Variants in AMZ1 observed in about 807,000 individuals in gnomAD.
The protein encoded by AMZ1 is archaemetzincin-1.
A neutral mutation model predicts 29.9 loss-of-function variants in AMZ1; 39 were observed. That is an observed-to-expected ratio of 1.30 (90% CI 1.01 to 1.70). The LOEUF (loss-of-function observed/expected upper bound fraction) is 1.70. Among genes scored for constraint, AMZ1 ranks in the 40% most tolerant of loss-of-function variants. The pLI, the probability that AMZ1 is intolerant of heterozygous loss-of-function variation, is 0.00. For synonymous variants in AMZ1, 458 were observed against 304.0 expected (o/e 1.51, Z -5.27); for missense variants, 1,041 against 680.6 (o/e 1.53, Z -5.89).
At chr7:2,764,244 CTTTTTT>C (rs35992308), upstream of AMZ1, among the ~76,000 whole-genome samples, 1 of 139,296 alleles carries the variant, frequency 7.2e-6, no homozygotes, top group African/African-American at 2.7e-5. Context: ...CAGCTAATTT[CTTTTTT>C]TTTTTTTTTT....
intron 4 of AMZ1, among the ~76,000 whole-genome samples, chr7:2,759,491 C>T (rs900496700): frequency 3.9e-5 from 6 of 152,138 alleles, no homozygotes; most frequent in Admixed American, 3.3e-4. Flanking sequence ...TAAGTTACTA[C>T]TGTTTAGGAA....
chr7:2,696,358 G>A (rs978895442), intron 1 of AMZ1, among the ~76,000 whole-genome samples: 12 of 148,208 alleles, frequency 8.1e-5, no homozygotes, highest in Admixed American at 6.1e-4. Flanking sequence ...CCAGGTTCAC[G>A]CCATTCTCCT....
At chr7:2,762,658 G>A (rs1376961550), upstream of AMZ1, 3 of 1,599,188 alleles carry the variant, frequency 1.9e-6, no homozygotes, top group Admixed American at 1.7e-5. Context: ...GCAGGACGAT[G>A]AGAGGATAAA....
chr7:2,758,455 C>G (rs749400409), intron 4 of AMZ1, among the ~76,000 whole-genome samples: 1 of 152,190 alleles, frequency 6.6e-6, no homozygotes, highest in Non-Finnish European at 1.5e-5. Flanking sequence ...GGTTCTAAGA[C>G]GAGCCTCAAT....
Position 2,700,753 on chromosome 7 carries a change from T to C in AMZ1, c.302T>C (p.Ile101Thr). ...LARKHIYLQP[I>T]DLSEEPVGSS... ...CGGAAGCACATCTACCTACAGCCGA[T>C]AGGTACGGGACGCCTGCAGCCATCG... Residue 101 changes from isoleucine (I) to threonine (T), a missense_variant and splice_region_variant, in exon 2 of 7, where the codon ATA (isoleucine) becomes ACA (threonine). Coordinates refer to ENST00000683327, the MANE Select transcript of AMZ1 (RefSeq NM_001384743.1). The C allele has an allele frequency of 2.5e-6, 4 of 1,612,350 alleles. No homozygotes were observed. Among genetic ancestry groups the C allele is most frequent in the Non-Finnish European group, 3.4e-6 (4 of 1,179,896 alleles).
rs771879312 is a variant in AMZ1, at chr7:2,696,012, GGAAA to G, written c.-218-4221_-218-4218del. On this transcript the variant is annotated intron_variant, in intron 1 of 6. Coordinates refer to ENST00000683327, the MANE Select transcript of AMZ1 (RefSeq NM_001384743.1). ...TGACAGAGCGAAACTGTCTTGGGGG[GGAAA>G]AAAAAAAAAAAAAGGAAATGGACAT... Among the ~76,000 whole-genome samples, 1,021 of 139,966 alleles carry G rather than the reference GGAAA, an allele frequency of 7.3e-3. 8 individuals are homozygous for G. The highest frequency in any genetic ancestry group is 0.035 in the Middle Eastern group (10 of 284). 91.8% of individuals were successfully genotyped at this position (139,966 alleles called of 152,430 possible).
chr7:2,688,123 C>G (rs998170296), upstream of AMZ1: 2 of 152,284 alleles, frequency 1.3e-5, no homozygotes, highest in Non-Finnish European at 2.9e-5. Context: ...GCCCTCCTGT[C>G]CTGCCCGCGG....
chr7:2,702,801 C>T lies in AMZ1; in HGVS notation c.384C>T (p.Arg128=), dbSNP rs772214458. ...SCTEAFFLGL[R]VKCLPSVAAA... ...CAGAGGCCTTCTTCCTGGGCCTGCG[C>T]GTCAAGTGCCTGCCGTCGGTGGCAG... The change falls in exon 3 of 7, where the codon CGC becomes CGT. Residue 128 remains arginine, a synonymous_variant. Transcript: ENST00000683327. 31 of 1,548,246 alleles carry T rather than the reference C, an allele frequency of 2.0e-5. No homozygotes were observed. In the Admixed American group the frequency reaches 3.3e-4, roughly 16 times the overall value.
chr7:2,705,443 GAC>G (rs1788296133), intron 3 of AMZ1, among the ~76,000 whole-genome samples: 1 of 152,158 alleles, frequency 6.6e-6, no homozygotes, highest in African/African-American at 2.4e-5. Context: ...TCTGAGTCTT[GAC>G]ACACGCATAC....
In AMZ1 at chr7:2,709,249, G is replaced by GT; in HGVS notation, c.771+6dup. ...GGGATGGTTCAGTGCTGCAAGGTGG[G>GT]TGGGGGCTCTGGGGCTGGTAAGAGG... On this transcript the variant is annotated splice_donor_region_variant and intron_variant, in intron 5 of 6. Transcript: ENST00000683327. 6.7e-7 allele frequency: 1 copy of GT among 1,492,350 alleles called. No homozygotes were observed. The allele number at this position is 1,492,350 out of a possible 1,614,324, so 92.4% of individuals were successfully genotyped here.
intron 4 of AMZ1, chr7:2,730,246 A>C (rs1335151805): frequency 6.6e-6 from 1 of 152,462 alleles, no homozygotes; most frequent in Admixed American, 6.5e-5. Flanking sequence ...TGTGCTGCCA[A>C]CTGTGTGTGA....
At chr7:2,708,815 C>G in intron 4 of AMZ1, 99 bp downstream of exon 4, 1 of 1,566,010 alleles carries the variant, frequency 6.4e-7, no homozygotes, top group South Asian at 1.1e-5. Flanking sequence ...GCTTCAAGCA[C>G]CCTCCTGGTG....
chr7:2,683,719 C>T (rs557616408), upstream of AMZ1, among the ~76,000 whole-genome samples: 189 of 152,074 alleles, frequency 1.2e-3, 2 homozygotes, highest in African/African-American at 4.1e-3. Context: ...ATTAGAGACG[C>T]GAGCCACCGC....
upstream of AMZ1, among the ~76,000 whole-genome samples, chr7:2,687,601 G>A (rs1787132258): frequency 6.6e-6 from 1 of 152,256 alleles, no homozygotes; most frequent in Admixed American, 6.5e-5. Context: ...GGCTGGCACA[G>A]GGCCAGGGCT....
At position 2,714,173 on chromosome 7, in the gene AMZ1, G is replaced by C. The variant is rs1420163919; in HGVS notation, c.*1295G>C. The C allele has an allele frequency of 6.6e-6, 1 of 152,362 alleles. No individual in the cohort carries two copies. The highest frequency in any genetic ancestry group is 6.5e-5 in the Admixed American group (1 of 15,288). The allele number at this position is 152,362 out of a possible 1,614,324, so 9.4% of individuals were successfully genotyped here. On this transcript the variant is annotated 3_prime_UTR_variant, in exon 7 of 7. Transcript: ENST00000683327. ...GACAGCGGAATCCCTTCGGAGTGAC[G>C]AGGGCGGGGTCACAGCTCGCGCACC...
chr7:2,703,294 C>G (rs991122111), intron 3 of AMZ1, among the ~76,000 whole-genome samples: 1 of 152,140 alleles, frequency 6.6e-6, no homozygotes, highest in African/African-American at 2.4e-5. Flanking sequence ...AAAGCGCCCA[C>G]CACACCCGGC....
chr7:2,701,838 G>T (rs1334622597), intron 2 of AMZ1, among the ~76,000 whole-genome samples: 3 of 152,218 alleles, frequency 2.0e-5, no homozygotes, highest in African/African-American at 4.8e-5. Flanking sequence ...AAATCCTGCG[G>T]GTGTCCGTTG....
At position 2,731,544 on chromosome 7, in the gene AMZ1, G is replaced by A. The variant is rs1227587398; in HGVS notation, n.550+21728G>A. On this transcript the variant is annotated intron_variant and non_coding_transcript_variant, in intron 4 of 4. Coordinates refer to the AMZ1 transcript ENST00000489665. This position sits in a 1 kb window ranked among gnomAD's most constrained non-coding sequence, Gnocchi z 6.0. ...GCCGGTTGGTGCGCCTGTCCTCCATGAGGACCTGGTCGTACTCGCTGGAGG... is the reference window on the plus strand; with the variant it reads ...GCCGGTTGGTGCGCCTGTCCTCCATAAGGACCTGGTCGTACTCGCTGGAGG... 26 of 1,611,556 alleles carry A rather than the reference G, an allele frequency of 1.6e-5. No individual in the cohort carries two copies. Among genetic ancestry groups the A allele is most frequent in the Non-Finnish European group, 2.1e-5 (25 of 1,178,142 alleles).
chr7:2,707,365 TCTC>T (rs934688000), intron 3 of AMZ1, among the ~76,000 whole-genome samples: 2 of 151,808 alleles, frequency 1.3e-5, no homozygotes, highest in Non-Finnish European at 2.9e-5. Context: ...GGAAAACACT[TCTC>T]CGGTGTGCCT....
Sources: allele counts gnomAD v4.1 joint callset (sites outside exome capture counted in the v4.1 genomes callset), GRCh38; gene constraint gnomAD v4.1.1; non-coding constraint Gnocchi (gnomAD v3.1); transcripts MANE v1.5; gene names NCBI Gene and HGNC (gene_info 2026-07-23, HGNC 2026-07-21).